The following LIPJ variants were observed in gnomAD, a reference collection of about 807,000 sequenced individuals.
LIPJ encodes lipase member J.
A neutral mutation model predicts 39.8 loss-of-function variants in LIPJ; 33 were observed. That is an observed-to-expected ratio of 0.83 (90% CI 0.63 to 1.11). The LOEUF (loss-of-function observed/expected upper bound fraction) is 1.11. Among genes scored for constraint, LIPJ ranks in the 50% least tolerant of loss-of-function variants. LIPJ has a pLI of 0.00. For missense variants in LIPJ, 422 were observed against 427.9 expected (o/e 0.99, Z 0.12); for synonymous variants, 128 against 139.2 (o/e 0.92, Z 0.57).
chr10:88,591,340 C>A (rs1408656257), intron 3 of LIPJ, 38 bp from the exon 4 acceptor site: 1 of 1,537,646 alleles, frequency 6.5e-7, no homozygotes, highest in Admixed American at 1.9e-5. Context: ...AATTGGATAA[C>A]AATTTTATGC....
rs746635232 is a variant in LIPJ, at chr10:88,596,443, T to C, written c.576+27T>C. ...TATGTTCTACCTTTATTTTATGTCA[T>C]TGATAACCCAAAGTGATAATTTTAT... On this transcript the variant is annotated intron_variant, in intron 7 of 10. Coordinates refer to ENST00000371939, the Ensembl canonical transcript of LIPJ. 6 of 1,458,800 alleles carry C rather than the reference T, an allele frequency of 4.1e-6. No individual in the cohort carries two copies. The African/African-American group carries it at 4.4e-5, about 11-fold the overall frequency. The allele number at this position is 1,458,800 out of a possible 1,614,324, so 90.4% of individuals were successfully genotyped here.
intron 8 of LIPJ, among the ~76,000 whole-genome samples, chr10:88,601,818 G>C (rs373124925): frequency 6.6e-6 from 1 of 151,934 alleles, no homozygotes; most frequent in Non-Finnish European, 1.5e-5. Flanking sequence ...CTTTGAGTAG[G>C]GTTAACTGAT....
At chr10:88,621,132 T>A in the LIPJ span, among the ~76,000 whole-genome samples, 6 of 152,190 alleles carry the variant, frequency 3.9e-5, no homozygotes, top group Non-Finnish European at 7.4e-5. Context: ...GTTCAATTCA[T>A]AGCGCCATAT....
the LIPJ span, among the ~76,000 whole-genome samples, chr10:88,612,654 T>C: frequency 6.6e-6 from 1 of 152,128 alleles, no homozygotes; most frequent in Non-Finnish European, 1.5e-5. Flanking sequence ...CATTATATAA[T>C]GATAAAAGGC....
rs574846776 is a variant in LIPJ, at chr10:88,595,000, T to G, written c.439+224T>G. Among the ~76,000 whole-genome samples, 282 of 151,890 alleles carry G rather than the reference T, an allele frequency of 1.9e-3. 1 individual carries two copies. The highest frequency in any genetic ancestry group is 6.5e-3 in the African/African-American group (269 of 41,514). Reference sequence around the variant, plus strand: ...ATTGTAAAGACAAGGTTGGTTGTGGTTTTGTTTGTTTCAAATTGTATAAAA... The same window carrying G: ...ATTGTAAAGACAAGGTTGGTTGTGGGTTTGTTTGTTTCAAATTGTATAAAA... On this transcript the variant is annotated intron_variant, in intron 6 of 10. Coordinates refer to ENST00000371939, the Ensembl canonical transcript of LIPJ.
chr10:88,616,140 G>A, the LIPJ span, among the ~76,000 whole-genome samples: 2 of 152,350 alleles, frequency 1.3e-5, no homozygotes, highest in Admixed American at 6.5e-5. Flanking sequence ...AATAATGACA[G>A]TGATTAAACA....
chr10:88,585,211 C>T (rs2134530935), upstream of LIPJ, among the ~76,000 whole-genome samples: 1 of 152,302 alleles, frequency 6.6e-6, no homozygotes, highest in South Asian at 2.1e-4. Context: ...CCCAAGGTTA[C>T]CTATCATCTC....
chr10:88,612,448 A>G, the LIPJ span, among the ~76,000 whole-genome samples: 1 of 152,164 alleles, frequency 6.6e-6, no homozygotes, highest in South Asian at 2.1e-4. Flanking sequence ...AGAATGGGTA[A>G]GAACTCACCA....
chr10:88,603,788 C>T (rs377404353), intron 9 of LIPJ, among the ~76,000 whole-genome samples: 2 of 151,954 alleles, frequency 1.3e-5, no homozygotes, highest in African/African-American at 4.8e-5. Context: ...TTTTCATTTA[C>T]GAAAGTTTAA....
the LIPJ span, among the ~76,000 whole-genome samples, chr10:88,617,192 A>G: frequency 1.3e-5 from 2 of 152,208 alleles, no homozygotes; most frequent in African/African-American, 4.8e-5. Flanking sequence ...CGGCTGAGCC[A>G]TGACAGAGTA....
downstream of LIPJ, among the ~76,000 whole-genome samples, chr10:88,608,828 A>G (rs1851716969): frequency 6.6e-6 from 1 of 152,192 alleles, no homozygotes; most frequent in South Asian, 2.1e-4. Flanking sequence ...CTCCAACTCT[A>G]TAGAGCAAGA....
upstream of LIPJ, among the ~76,000 whole-genome samples, chr10:88,585,193 T>C (rs1265367209): frequency 3.3e-5 from 5 of 152,182 alleles, no homozygotes; most frequent in Admixed American, 6.5e-5. Flanking sequence ...TAAGTTCAAG[T>C]GAGTTTGCCC....
At chr10:88,605,258 A>G (rs1851622363) in intron 9 of LIPJ, among the ~76,000 whole-genome samples, 1 of 152,134 alleles carries the variant, frequency 6.6e-6, no homozygotes, top group South Asian at 2.1e-4. Flanking sequence ...TGTTTGAAGC[A>G]TGGTGTTTTA....
downstream of LIPJ, among the ~76,000 whole-genome samples, chr10:88,610,935 A>G (rs1361329470): frequency 6.6e-6 from 1 of 152,254 alleles, no homozygotes; most frequent in Non-Finnish European, 1.5e-5. Context: ...ACAGAGGAGA[A>G]AGTCTTTCTA....
intron 8 of LIPJ, 40 bp downstream of exon 8, chr10:88,596,976 T>A (rs200178969): frequency 8.5e-7 from 1 of 1,176,988 alleles, no homozygotes; most frequent in Admixed American, 2.2e-5. Flanking sequence ...TATTTTCCAA[T>A]ATTTGGAAAG....
At chr10:88,613,615 T>A in the LIPJ span, among the ~76,000 whole-genome samples, 8 of 151,498 alleles carry the variant, frequency 5.3e-5, no homozygotes, top group African/African-American at 1.9e-4. Context: ...TCCATTTATA[T>A]GACATTCTCA....
intron 6 of LIPJ, among the ~76,000 whole-genome samples, chr10:88,595,585 A>T (rs995359362): frequency 2.6e-5 from 4 of 151,698 alleles, no homozygotes; most frequent in African/African-American, 9.7e-5. Context: ...ATTTAAAACC[A>T]GGAATGCCTG....
At chr10:88,590,235 A>G (rs1851035849) in intron 2 of LIPJ, among the ~76,000 whole-genome samples, 1 of 151,810 alleles carries the variant, frequency 6.6e-6, no homozygotes, top group Non-Finnish European at 1.5e-5. Context: ...TAGGCTGGTA[A>G]TAATACTATT....
At chr10:88,617,313 C>A in the LIPJ span, among the ~76,000 whole-genome samples, 2 of 152,062 alleles carry the variant, frequency 1.3e-5, no homozygotes, top group Non-Finnish European at 2.9e-5. Flanking sequence ...TTTGAGAAAT[C>A]AATAAATATG....
Sources: gnomAD v4.1 joint callset for allele counts (sites outside exome capture counted in the v4.1 genomes callset) on GRCh38, gnomAD v4.1.1 for gene constraint, MANE v1.5 for transcripts, NCBI Gene and HGNC (gene_info 2026-07-23, HGNC 2026-07-21) for gene names.